The following C7orf78 variants were observed in gnomAD, a reference collection of about 807,000 sequenced individuals.
C7orf78 encodes the protein putative uncharacterized protein C7orf78.
the C7orf78 span, among the ~76,000 whole-genome samples, chr7:12,527,196 T>C: frequency 7.2e-6 from 1 of 139,528 alleles, no homozygotes; most frequent in Admixed American, 7.1e-5. Context: ...GTATATGCTA[T>C]GTGTCACTCA....
At chr7:12,495,386 G>C in the C7orf78 span, among the ~76,000 whole-genome samples, 3 of 152,168 alleles carry the variant, frequency 2.0e-5, no homozygotes, top group African/African-American at 7.2e-5. Flanking sequence ...GGTTTCCAAA[G>C]GGTGCCAGCT....
the C7orf78 span, among the ~76,000 whole-genome samples, chr7:12,525,308 C>A: frequency 6.6e-6 from 1 of 152,084 alleles, no homozygotes; most frequent in Non-Finnish European, 1.5e-5. Context: ...ACTAAAAAAT[C>A]TGCTTTGGTA....
At chr7:12,488,513 T>C in the C7orf78 span, among the ~76,000 whole-genome samples, 2 of 152,088 alleles carry the variant, frequency 1.3e-5, no homozygotes, top group African/African-American at 2.4e-5. Flanking sequence ...AAATGATGTA[T>C]ATAGGGAGCC....
the C7orf78 span, among the ~76,000 whole-genome samples, chr7:12,486,653 T>C: frequency 6.6e-6 from 1 of 152,008 alleles, no homozygotes; most frequent in East Asian, 1.9e-4. Flanking sequence ...CAATCTAACA[T>C]ACAATAGCAT....
the C7orf78 span, among the ~76,000 whole-genome samples, chr7:12,521,854 G>T: frequency 6.6e-6 from 1 of 151,570 alleles, no homozygotes; most frequent in African/African-American, 2.4e-5. Flanking sequence ...AATTTTTCTA[G>T]TTTTTCCTAT....
the C7orf78 span, among the ~76,000 whole-genome samples, chr7:12,522,331 T>G: frequency 1.3e-5 from 2 of 152,230 alleles, no homozygotes; most frequent in South Asian, 4.1e-4. Flanking sequence ...ATAATGTCAT[T>G]AAATCTGAGA....
chr7:12,511,047 T>A, the C7orf78 span, among the ~76,000 whole-genome samples: 4 of 152,216 alleles, frequency 2.6e-5, no homozygotes, highest in Non-Finnish European at 5.9e-5. Flanking sequence ...TTAATCCATC[T>A]GGAGTTGATT....
chr7:12,522,990 C>T, the C7orf78 span: 7 of 397,950 alleles, frequency 1.8e-5, no homozygotes, highest in Non-Finnish European at 2.2e-5. Context: ...TGTGAAAATG[C>T]CCCCCACATA....
the C7orf78 span, among the ~76,000 whole-genome samples, chr7:12,514,521 T>C: frequency 6.6e-6 from 1 of 152,108 alleles, no homozygotes; most frequent in Admixed American, 6.5e-5. Context: ...TAAGTGGAGA[T>C]TTTAATTCAT....
At chr7:12,504,079 T>G in the C7orf78 span, among the ~76,000 whole-genome samples, 5 of 152,224 alleles carry the variant, frequency 3.3e-5, no homozygotes, top group Admixed American at 1.3e-4. Context: ...AAGCCCAAGG[T>G]GAAAACTGCC....
the C7orf78 span, among the ~76,000 whole-genome samples, chr7:12,510,938 G>A: frequency 6.6e-6 from 1 of 152,050 alleles, no homozygotes; most frequent in African/African-American, 2.4e-5. Context: ...ATGCTTTTGA[G>A]GTTTTAGCCA....
the C7orf78 span, among the ~76,000 whole-genome samples, chr7:12,497,554 T>TTA: frequency 5.3e-4 from 80 of 152,250 alleles, no homozygotes; most frequent in African/African-American, 1.8e-3. Context: ...CACCATGAGA[T>TTA]TATACCCTGC....
chr7:12,536,083 C>T, the C7orf78 span, among the ~76,000 whole-genome samples: 60 of 152,334 alleles, frequency 3.9e-4, no homozygotes, highest in African/African-American at 1.4e-3. Context: ...CTTTTCACAG[C>T]TCCAATAGTT....
the C7orf78 span, among the ~76,000 whole-genome samples, chr7:12,535,307 A>G: frequency 0.72 from 108,823 of 152,124 alleles, 39,945 homozygotes; most frequent in East Asian, 0.92. Context: ...GGAAGGCAAA[A>G]AGGAGCAAGT....
chr7:12,493,131 G>A, the C7orf78 span, among the ~76,000 whole-genome samples: 4 of 152,176 alleles, frequency 2.6e-5, no homozygotes, highest in Non-Finnish European at 5.9e-5. Context: ...GATCCCAGGA[G>A]GTTGGAGTGA....
chr7:12,503,061 C>T, the C7orf78 span, among the ~76,000 whole-genome samples: 1,012 of 124,998 alleles, frequency 8.1e-3, 2 homozygotes, highest in Middle Eastern at 0.016. Flanking sequence ...GGAAGGGGAA[C>T]ATGACACTCT....
chr7:12,533,610 G>A, the C7orf78 span, among the ~76,000 whole-genome samples: 13 of 146,664 alleles, frequency 8.9e-5, no homozygotes, highest in Admixed American at 4.8e-4. Flanking sequence ...TCCACCTCCC[G>A]GGTTCACACC....
At chr7:12,535,854 A>T in the C7orf78 span, among the ~76,000 whole-genome samples, 66 of 152,326 alleles carry the variant, frequency 4.3e-4, 1 homozygote, top group African/African-American at 1.6e-3. Flanking sequence ...TAAAGCTTCA[A>T]AATGATCTCC....
chr7:12,497,781 G>C, the C7orf78 span, among the ~76,000 whole-genome samples: 1 of 151,598 alleles, frequency 6.6e-6, no homozygotes, highest in African/African-American at 2.4e-5. Context: ...TCTGGGGGCA[G>C]GGCACAGACA....
Sources: allele counts gnomAD v4.1 joint callset (sites outside exome capture counted in the v4.1 genomes callset), GRCh38; gene constraint gnomAD v4.1.1; transcripts MANE v1.5; gene names NCBI Gene and HGNC (gene_info 2026-07-23, HGNC 2026-07-21).